Variants in LANCL2 observed in about 807,000 individuals in gnomAD.
LANCL2 encodes LanC like glutathione S-transferase 2.
Under a neutral mutation model 56.9 loss-of-function variants are expected in LANCL2, and 33 were observed. The ratio of observed to expected loss-of-function variants is 0.58; its 90% CI spans 0.44 to 0.78. LANCL2 has a LOEUF of 0.78. LANCL2 is among the 30% of genes least tolerant of loss of function. LANCL2 has a pLI of 0.00. For synonymous variants in LANCL2, 233 were observed against 228.2 expected, an observed-to-expected ratio of 1.02 and a Z score of -0.19; for missense variants, 562 against 580.2, an observed-to-expected ratio of 0.97 and a Z score of 0.32.
intron 7 of LANCL2, among the ~76,000 whole-genome samples, chr7:55,427,793 G>A (rs1004121610): frequency 4.6e-5 from 7 of 152,190 alleles, no homozygotes; most frequent in African/African-American, 1.7e-4. Context: ...TTATTAAAAC[G>A]ATATGGAAAC....
At position 55,416,825 on chromosome 7, in the gene LANCL2, G is replaced by C. The variant is rs183461439; in HGVS notation, c.1008+4736G>C. On this transcript the variant is annotated intron_variant, in intron 6 of 8. Transcript: ENST00000254770. The stretch of plus-strand genomic sequence containing the variant: ...TTTCTTTTTATGATAATTACTGTCT[G>C]TGTTTTGTCTAAGAAACCTTATCTA... Among the ~76,000 whole-genome samples, 19 of 151,928 alleles carry C rather than the reference G, an allele frequency of 1.3e-4. No individual in the cohort carries two copies. The East Asian group carries it at 2.9e-3, about 23-fold the overall frequency.
At chr7:55,405,487 G>T (rs1432817509) in intron 5 of LANCL2, among the ~76,000 whole-genome samples, 1 of 146,338 alleles carries the variant, frequency 6.8e-6, no homozygotes, top group Non-Finnish European at 1.5e-5. Flanking sequence ...AGTGGTTCAG[G>T]AACTTTTTTT....
chr7:55,407,327 C>G (rs916455443), intron 5 of LANCL2, among the ~76,000 whole-genome samples: 1 of 152,200 alleles, frequency 6.6e-6, no homozygotes, highest in Non-Finnish European at 1.5e-5. Flanking sequence ...ACCGTCACCT[C>G]TCCCTCACCC....
At chr7:55,398,717 C>T (rs1790285255) in intron 3 of LANCL2, 87 bp downstream of exon 3, 1 of 1,003,920 alleles carries the variant, frequency 1.0e-6, no homozygotes, top group Non-Finnish European at 1.5e-6. Context: ...AACTATTTTT[C>T]CATTCATCCA....
At chr7:55,388,974 G>A (rs1313053131) in intron 1 of LANCL2, among the ~76,000 whole-genome samples, 9 of 152,220 alleles carry the variant, frequency 5.9e-5, no homozygotes, top group Non-Finnish European at 1.2e-4. Context: ...AGGGAAACCT[G>A]GAGGGGGCTG....
At chr7:55,380,413 TTG>T (rs1453754828) in intron 1 of LANCL2, among the ~76,000 whole-genome samples, 9 of 87,666 alleles carry the variant, frequency 1.0e-4, no homozygotes, top group African/African-American at 7.7e-4. Context: ...ATATACTGCA[TTG>T]TTTTTTTTTT....
At chr7:55,395,368 A>G (rs1474350907) in intron 2 of LANCL2, among the ~76,000 whole-genome samples, 1 of 152,190 alleles carries the variant, frequency 6.6e-6, no homozygotes, top group Non-Finnish European at 1.5e-5. Flanking sequence ...CACAAAGCGG[A>G]GGTAAAGACA....
chr7:55,388,548 A>G (rs183712681), intron 1 of LANCL2, among the ~76,000 whole-genome samples: 40 of 152,364 alleles, frequency 2.6e-4, no homozygotes, highest in African/African-American at 8.2e-4. Flanking sequence ...TGTTAAAGAA[A>G]GGAATGGAGA....
chr7:55,428,206 C>G (rs1046470604), intron 7 of LANCL2, 169 bp from the exon 8 acceptor site: 5 of 628,754 alleles, frequency 8.0e-6, no homozygotes, highest in African/African-American at 7.3e-5. Flanking sequence ...CAGAGCCTTG[C>G]TGGGCCTCAC....
At chr7:55,389,663 G>A (rs865807474) in intron 1 of LANCL2, among the ~76,000 whole-genome samples, 4 of 151,814 alleles carry the variant, frequency 2.6e-5, no homozygotes, top group African/African-American at 4.9e-5. Flanking sequence ...GGCAGTTCCC[G>A]GGTCCCAGTT....
chr7:55,412,141 C>T (rs1292074424), intron 6 of LANCL2, 52 bp downstream of exon 6: 1 of 1,556,394 alleles, frequency 6.4e-7, no homozygotes, highest in South Asian at 1.2e-5. Context: ...CCAGGTTTCC[C>T]TGTCAGGTTT....
At chr7:55,426,932 A>ATG (rs1790670454) in intron 7 of LANCL2, among the ~76,000 whole-genome samples, 1 of 152,150 alleles carries the variant, frequency 6.6e-6, no homozygotes, top group Admixed American at 6.5e-5. Flanking sequence ...GAGGGGTGAG[A>ATG]CGCAGCCGGT....
At chr7:55,394,352 G>A (rs182073471) in intron 2 of LANCL2, among the ~76,000 whole-genome samples, 194 of 152,250 alleles carry the variant, frequency 1.3e-3, no homozygotes, top group African/African-American at 4.5e-3. Flanking sequence ...TGGGAGGATG[G>A]TTTGAGGCCA....
intron 5 of LANCL2, among the ~76,000 whole-genome samples, chr7:55,407,042 G>A (rs989503229): frequency 6.6e-6 from 1 of 152,200 alleles, no homozygotes; most frequent in African/African-American, 2.4e-5. Context: ...CGTGGGCTTG[G>A]GGGACTCTCT....
chr7:55,397,421 G>GCTGCA (rs1172873731), intron 2 of LANCL2, among the ~76,000 whole-genome samples: 2 of 143,220 alleles, frequency 1.4e-5, no homozygotes, highest in Non-Finnish European at 3.0e-5. Flanking sequence ...AGATCGTGCT[G>GCTGCA]CTGCACTCCA....
intron 5 of LANCL2, among the ~76,000 whole-genome samples, chr7:55,409,112 G>C (rs112061422): frequency 7.4e-5 from 11 of 148,646 alleles, no homozygotes; most frequent in Admixed American, 2.0e-4. Context: ...TTTTTGAGAC[G>C]GAGTCTTGCT....
At chr7:55,424,204 C>T (rs1052729408) in intron 6 of LANCL2, among the ~76,000 whole-genome samples, 1 of 152,160 alleles carries the variant, frequency 6.6e-6, no homozygotes, top group African/African-American at 2.4e-5. Flanking sequence ...GAAAACAGTA[C>T]ATGGCCTGTG....
intron 6 of LANCL2, among the ~76,000 whole-genome samples, chr7:55,417,424 A>G (rs897835520): frequency 2.0e-5 from 3 of 152,130 alleles, no homozygotes; most frequent in African/African-American, 7.2e-5. Context: ...TCTGGACTCT[A>G]TTCAGTTACT....
Position 55,396,291 on chromosome 7 carries a change from C to T in LANCL2, c.323-2132C>T, listed in dbSNP as rs532108943. ...CAGAGACAACTCCCCTCATGCTTCTCATAGGTTCGGGGGAAGGAACCATAC... is the reference window on the plus strand; with the variant it reads ...CAGAGACAACTCCCCTCATGCTTCTTATAGGTTCGGGGGAAGGAACCATAC... On this transcript the variant is annotated intron_variant, in intron 2 of 8. Transcript: ENST00000254770. 9.9e-5 allele frequency among the ~76,000 whole-genome samples: 15 copies of T among 152,020 alleles called. No individual in the cohort carries two copies. In the South Asian group the frequency reaches 1.5e-3, roughly 15 times the overall value.
Sources: allele counts gnomAD v4.1 joint callset (sites outside exome capture counted in the v4.1 genomes callset), GRCh38; gene constraint gnomAD v4.1.1; transcripts MANE v1.5; gene names NCBI Gene and HGNC (gene_info 2026-07-23, HGNC 2026-07-21).